Variants in PCDH15 observed in about 807,000 individuals in gnomAD.
PCDH15 encodes the protein protocadherin related 15.
A neutral mutation model predicts 178.5 loss-of-function variants in PCDH15; 129 were observed. That is an observed-to-expected ratio of 0.72 (90% CI 0.63 to 0.84). The LOEUF is 0.84. Among genes scored for constraint, PCDH15 ranks in the 40% least tolerant of loss-of-function variants. PCDH15 has a pLI of 0.00. For missense variants in PCDH15, 2,230 were observed against 2,099.9 expected (o/e 1.06, Z -1.21); for synonymous variants, 800 against 732.0 (o/e 1.09, Z -1.50).
chr10:54,390,295 T>C (rs867582838), intron 3 of PCDH15, among the ~76,000 whole-genome samples: 8,345 of 151,952 alleles, frequency 0.055, 753 homozygotes, highest in African/African-American at 0.19. Context: ...TTTGTTTTGT[T>C]TTGTTTTGTT....
chr10:55,014,946 C>A (rs72800088), intron 2 of PCDH15, among the ~76,000 whole-genome samples: 1 of 152,110 alleles, frequency 6.6e-6, no homozygotes, highest in Admixed American at 6.6e-5. Flanking sequence ...TCTGGCTAGG[C>A]GCAGTGGCTC....
intron 3 of PCDH15, among the ~76,000 whole-genome samples, chr10:54,434,185 TCAA>T (rs755271515): frequency 3.7e-4 from 57 of 152,252 alleles, no homozygotes; most frequent in Non-Finnish European, 1.0e-4. Context: ...TACAAAAGAG[TCAA>T]CAAGTTAAAT....
At chr10:55,069,447 T>G (rs1841664110) in intron 2 of PCDH15, among the ~76,000 whole-genome samples, 2 of 112,646 alleles carry the variant, frequency 1.8e-5, no homozygotes, top group African/African-American at 6.9e-5. Flanking sequence ...CCCACAACAG[T>G]CCCCAGAGTG....
At chr10:53,930,164 T>A (rs890605781) in intron 25 of PCDH15, among the ~76,000 whole-genome samples, 1 of 151,934 alleles carries the variant, frequency 6.6e-6, no homozygotes, top group East Asian at 1.9e-4. Flanking sequence ...GTATTAGAAA[T>A]AGCAACGCAT....
At chr10:54,905,035 G>T (rs1270769770) in intron 2 of PCDH15, among the ~76,000 whole-genome samples, 1 of 151,748 alleles carries the variant, frequency 6.6e-6, no homozygotes, top group Non-Finnish European at 1.5e-5. Context: ...AAGCAGATAT[G>T]ACTGTACCAC....
chr10:55,066,872 T>G (rs1454563709), intron 2 of PCDH15, among the ~76,000 whole-genome samples: 1 of 151,786 alleles, frequency 6.6e-6, no homozygotes, highest in African/African-American at 2.4e-5. Flanking sequence ...GTGACTATGC[T>G]TAATATTTTT....
At chr10:54,738,080 G>A (rs1466920823) in intron 1 of PCDH15, among the ~76,000 whole-genome samples, 1 of 152,024 alleles carries the variant, frequency 6.6e-6, no homozygotes, top group Non-Finnish European at 1.5e-5. Flanking sequence ...CGAACTCTTT[G>A]ACTTGAGCCA....
At chr10:54,024,005 A>T (rs2093008120) in intron 18 of PCDH15, among the ~76,000 whole-genome samples, 1 of 152,154 alleles carries the variant, frequency 6.6e-6, no homozygotes, top group Non-Finnish European at 1.5e-5. Flanking sequence ...ACTGTAATGT[A>T]TGTGCAAGGG....
At chr10:54,014,448 A>T (rs193149305) in intron 20 of PCDH15, among the ~76,000 whole-genome samples, 23 of 152,282 alleles carry the variant, frequency 1.5e-4, no homozygotes, top group Admixed American at 3.3e-4. Flanking sequence ...AACCTGGCAG[A>T]GACACAACAA....
intron 2 of PCDH15, among the ~76,000 whole-genome samples, chr10:55,568,694 T>G (rs1240415093): frequency 1.3e-5 from 2 of 152,018 alleles, no homozygotes; most frequent in African/African-American, 4.8e-5. Context: ...TATAGTTAAT[T>G]TAATGCCACT....
intron 18 of PCDH15, among the ~76,000 whole-genome samples, chr10:54,056,693 C>A (rs926623771): frequency 1.3e-5 from 2 of 152,118 alleles, no homozygotes; most frequent in African/African-American, 4.8e-5. Context: ...ATCCCATGTC[C>A]TCACATTTCA....
At chr10:55,004,411 A>C (rs376451184) in intron 2 of PCDH15, among the ~76,000 whole-genome samples, 17 of 152,114 alleles carry the variant, frequency 1.1e-4, no homozygotes, top group African/African-American at 3.9e-4. Context: ...TTTACCCTCT[A>C]TGTCTCAAAA....
At chr10:55,107,017 C>T (rs895233481) in intron 2 of PCDH15, among the ~76,000 whole-genome samples, 5 of 152,192 alleles carry the variant, frequency 3.3e-5, no homozygotes, top group South Asian at 2.1e-4. Context: ...TTCTTTTCAA[C>T]ATAGAAAGCA....
chr10:53,897,081 T>TG (rs1414351914), intron 26 of PCDH15, among the ~76,000 whole-genome samples: 1 of 152,156 alleles, frequency 6.6e-6, no homozygotes, highest in African/African-American at 2.4e-5. Context: ...CCAAAAAGGT[T>TG]GGGGACCGCT....
At chr10:54,154,902 T>G (rs1336337188) in intron 13 of PCDH15, among the ~76,000 whole-genome samples, 1 of 152,126 alleles carries the variant, frequency 6.6e-6, no homozygotes, top group Non-Finnish European at 1.5e-5. Flanking sequence ...GCAGAAACAG[T>G]CAAAATGAAT....
chr10:55,387,056 A>G (rs1837680352), intron 2 of PCDH15, among the ~76,000 whole-genome samples: 2 of 152,232 alleles, frequency 1.3e-5, no homozygotes, highest in East Asian at 3.9e-4. Context: ...AAGCTGATTC[A>G]TTTTTACATA....
intron 1 of PCDH15, among the ~76,000 whole-genome samples, chr10:54,744,112 A>G (rs1171153776): frequency 6.6e-6 from 1 of 152,126 alleles, no homozygotes; most frequent in Non-Finnish European, 1.5e-5. Flanking sequence ...GAGATGCTTT[A>G]TGGATAACAT....
intron 9 of PCDH15, among the ~76,000 whole-genome samples, chr10:54,227,706 G>C (rs1369253961): frequency 6.6e-6 from 1 of 152,140 alleles, no homozygotes; most frequent in East Asian, 1.9e-4. Flanking sequence ...TTTATGCTCT[G>C]TTTCCCTAAT....
At chr10:55,052,652 G>T (rs1375584225) in intron 2 of PCDH15, among the ~76,000 whole-genome samples, 1 of 151,222 alleles carries the variant, frequency 6.6e-6, no homozygotes, top group Non-Finnish European at 1.5e-5. Context: ...GGAGGCGGAG[G>T]TTGTGGTGAG....
Sources: gnomAD v4.1 joint callset for allele counts (sites outside exome capture counted in the v4.1 genomes callset) on GRCh38, gnomAD v4.1.1 for gene constraint, MANE v1.5 for transcripts, NCBI Gene and HGNC (gene_info 2026-07-23, HGNC 2026-07-21) for gene names.